TENT4A: variants seen among roughly 807,000 people sequenced by gnomAD.
TENT4A encodes DNA polymerase kappa.
TENT4A carries 7 observed loss-of-function variants against 72.8 expected under a neutral mutation model. That is an observed-to-expected ratio of 0.10 (90% CI 0.05 to 0.18). TENT4A has a LOEUF of 0.18. Among genes scored for constraint, TENT4A ranks in the 10% least tolerant of loss-of-function variants. The pLI is 1.00. For synonymous variants in TENT4A, 456 were observed against 434.3 expected (o/e 1.05, Z -0.62); for missense variants, 831 against 1,017.7 (o/e 0.82, Z 2.50).
intron 5 of TENT4A, among the ~76,000 whole-genome samples, chr5:6,743,435 C>T (rs1206385243): frequency 6.6e-6 from 1 of 152,160 alleles, no homozygotes; most frequent in Non-Finnish European, 1.5e-5. Flanking sequence ...CTGGTCTCTT[C>T]CTGAGTTCCT....
intron 10 of TENT4A, 21 bp downstream of exon 10, chr5:6,750,524 C>T (rs771272832): frequency 1.5e-5 from 24 of 1,558,718 alleles, no homozygotes; most frequent in Admixed American, 5.8e-5. Context: ...TCCCCTCCTC[C>T]GTGTGTCTGT....
rs141499625 is a variant in TENT4A at position 6,728,631 on chromosome 5, C to T, written c.717-8879C>T. The stretch of plus-strand genomic sequence containing the variant: ...AGCCATGCGGGGCTAGGAGCTGACA[C>T]AGCGTCAGCAGCATGAGGGCCTGTG... On this transcript the variant is annotated intron_variant, in intron 1 of 12. Coordinates refer to ENST00000230859, the MANE Select transcript of TENT4A (RefSeq NM_006999.6). 1.4e-3 allele frequency among the ~76,000 whole-genome samples: 212 copies of T among 152,358 alleles called. 1 individual carries two copies. The highest frequency in any genetic ancestry group is 5.8e-3 in the Admixed American group (89 of 15,308).
Position 6,755,008 on chromosome 5 carries a change from G to A in TENT4A, c.*63G>A, listed in dbSNP as rs1226548859. ...AGACTGCCCCGCGGCCTCGGCCACC[G>A]GCAGGGGAACCGAGACCAGCACCCC... On this transcript the variant is annotated 3_prime_UTR_variant, in exon 13 of 13. Coordinates refer to ENST00000230859, the MANE Select transcript of TENT4A (RefSeq NM_006999.6). The A allele has an allele frequency of 1.2e-5, 17 of 1,423,560 alleles. No individual in the cohort carries two copies. Among genetic ancestry groups the A allele is most frequent in the East Asian group, 2.5e-5 (1 of 40,154 alleles). 88.2% of individuals were successfully genotyped at this position (1,423,560 alleles called of 1,614,324 possible). A position where few individuals can be genotyped will look rare whatever the true frequency, so the allele number is the denominator to read the frequency against.
At chr5:6,714,756 C>A in intron 1 of TENT4A, 57 bp downstream of exon 1, 2 of 1,048,372 alleles carry the variant, frequency 1.9e-6, no homozygotes, top group Non-Finnish European at 2.4e-6. Flanking sequence ...CTGGCCGGCG[C>A]CCGCGGTGCA....
Position 6,714,037 on chromosome 5 carries a change from C to G in TENT4A, c.54C>G (p.Ala18=). 1 of 989,974 alleles carries G rather than the reference C, an allele frequency of 1.0e-6. No homozygotes were observed. The allele number at this position is 989,974 out of a possible 1,614,324, so 61.3% of individuals were successfully genotyped here. A position where few individuals can be genotyped will look rare whatever the true frequency, so the allele number is the denominator to read the frequency against. Residue 18 remains alanine, a synonymous_variant, in exon 1 of 13, where the codon GCC becomes GCG. Coordinates refer to ENST00000230859, the MANE Select transcript of TENT4A (RefSeq NM_006999.6). Reference sequence around the variant, plus strand: ...CCGAGCAGAAGGGGCCGGCCAATGCCCTGTGGATGCAGATCTGGGAGACCT... The same window carrying G: ...CCGAGCAGAAGGGGCCGGCCAATGCGCTGTGGATGCAGATCTGGGAGACCT... ...IQPEQKGPAN[A]LWMQIWETSQ...
chr5:6,751,116 C>G lies in TENT4A; in HGVS notation c.1938C>G (p.Gly646=), dbSNP rs1237612163. ...AAGCGCCAGCTCCTCTCATGGCCGG[C>G]TTACCCACCGCCTTGCCAATGCCCA... ...SLQAPAPLMA[G]LPTALPMPSG... is the part of the protein sequence containing the mutation. The change falls in exon 11 of 13, where the codon GGC becomes GGG. Residue 646 remains glycine (G), a synonymous_variant. Coordinates refer to ENST00000230859, the MANE Select transcript of TENT4A (RefSeq NM_006999.6). 2.5e-6 allele frequency: 4 copies of G among 1,614,188 alleles called. No individual in the cohort carries two copies. In the South Asian group the frequency reaches 4.4e-5, roughly 18 times the overall value.
chr5:6,721,337 C>G (rs946642871), intron 1 of TENT4A, among the ~76,000 whole-genome samples: 1 of 152,234 alleles, frequency 6.6e-6, no homozygotes, highest in African/African-American at 2.4e-5. Context: ...AAGTCTGTTG[C>G]AGTTTATCTG....
Position 6,737,602 on chromosome 5 carries a change from C to G in TENT4A, c.809C>G (p.Thr270Ser), listed in dbSNP as rs1217640095. 1 of 1,614,080 alleles carries G rather than the reference C, an allele frequency of 6.2e-7. No individual in the cohort carries two copies. The highest frequency in any genetic ancestry group is 1.3e-5 in the African/African-American group (1 of 74,950). ...AGAGAGGTGGTGAAACGGATCGAAA[C>G]TGTGGTGAAAGACCTTTGGCCGACG... ...MRREVVKRIE[T>S]VVKDLWPTAD... Residue 270 changes from threonine to serine, a missense_variant, in exon 2 of 13, where the codon ACT (threonine) becomes AGT (serine). This residue lies in a region of TENT4A where 197 missense variants were observed against 399.6 expected (regional missense o/e 0.49). Coordinates refer to ENST00000230859, the MANE Select transcript of TENT4A (RefSeq NM_006999.6).
chr5:6,726,463 T>G (rs189822707), intron 1 of TENT4A, among the ~76,000 whole-genome samples: 1 of 152,304 alleles, frequency 6.6e-6, no homozygotes, highest in Admixed American at 6.5e-5. Context: ...GTCAGCTCAG[T>G]CCTGTGGTCC....
chr5:6,752,010 C>T (rs1006345834), intron 11 of TENT4A, among the ~76,000 whole-genome samples: 6 of 152,182 alleles, frequency 3.9e-5, no homozygotes, highest in South Asian at 2.1e-4. Context: ...AGCCGGACAC[C>T]GTAACGTGTC....
At chr5:6,741,829 A>G (rs1485301031) in intron 4 of TENT4A, among the ~76,000 whole-genome samples, 1 of 152,192 alleles carries the variant, frequency 6.6e-6, no homozygotes, top group Non-Finnish European at 1.5e-5. Context: ...TAATCCTTCA[A>G]GGCTGAAGGA....
chr5:6,739,692 G>A, intron 3 of TENT4A, 40 bp from the exon 4 acceptor site: 1 of 1,611,206 alleles, frequency 6.2e-7, no homozygotes, highest in African/African-American at 1.3e-5. Context: ...GTAGGCTGTG[G>A]CGAGGGGAGC....
At chr5:6,730,779 T>C (rs1348255193) in intron 1 of TENT4A, among the ~76,000 whole-genome samples, 1 of 148,000 alleles carries the variant, frequency 6.8e-6, no homozygotes, top group Non-Finnish European at 1.5e-5. Context: ...AAAAAAGCCT[T>C]GAAGTCCTGC....
At chr5:6,730,838 C>A (rs572703140) in intron 1 of TENT4A, among the ~76,000 whole-genome samples, 4 of 148,000 alleles carry the variant, frequency 2.7e-5, no homozygotes, top group South Asian at 2.2e-4. Context: ...GTAACATAAT[C>A]AAAAATAAAT....
intron 1 of TENT4A, among the ~76,000 whole-genome samples, chr5:6,734,006 T>C (rs1741337340): frequency 1.3e-5 from 2 of 152,240 alleles, no homozygotes; most frequent in South Asian, 4.1e-4. Flanking sequence ...AGAATGTTAA[T>C]TTTAGATGTC....
intron 4 of TENT4A, among the ~76,000 whole-genome samples, chr5:6,740,974 G>A (rs1437103009): frequency 6.6e-6 from 1 of 152,192 alleles, no homozygotes; most frequent in Non-Finnish European, 1.5e-5. Flanking sequence ...GTGGGTCAGC[G>A]GCATAGTCCA....
intron 10 of TENT4A, 35 bp downstream of exon 10, chr5:6,750,538 A>G: frequency 6.6e-7 from 1 of 1,522,058 alleles, no homozygotes; most frequent in South Asian, 1.2e-5. Flanking sequence ...TGTCTGTTGG[A>G]CAGTTTGTGT....
At chr5:6,720,269 A>G (rs760839259) in intron 1 of TENT4A, among the ~76,000 whole-genome samples, 5 of 152,196 alleles carry the variant, frequency 3.3e-5, no homozygotes, top group Non-Finnish European at 5.9e-5. Context: ...ACCTCATCAG[A>G]GCCACAGGTT....
At chr5:6,752,509 C>T (rs1242472323) in intron 11 of TENT4A, among the ~76,000 whole-genome samples, 1 of 152,244 alleles carries the variant, frequency 6.6e-6, no homozygotes, top group Non-Finnish European at 1.5e-5. Flanking sequence ...CCTCTCAGGC[C>T]ACCAGTTGGG....
Sources: gnomAD v4.1 joint callset for allele counts (sites outside exome capture counted in the v4.1 genomes callset) on GRCh38, gnomAD v4.1.1 for gene constraint, gnomAD v4.1.1 regional missense constraint, MANE v1.5 for transcripts, NCBI Gene and HGNC (gene_info 2026-07-23, HGNC 2026-07-21) for gene names.